The following VPS26C variants were observed in gnomAD, a reference collection of about 807,000 sequenced individuals.
VPS26C encodes the protein vacuolar protein sorting-associated protein 26C.
A neutral mutation model predicts 30.6 loss-of-function variants in VPS26C; 19 were observed. The ratio of observed to expected loss-of-function variants is 0.62; its 90% CI spans 0.43 to 0.91. The LOEUF is 0.91. Ranked by LOEUF, VPS26C falls within the 40% of genes least tolerant of loss-of-function variation. The pLI, the probability that VPS26C is intolerant of heterozygous loss-of-function variation, is 0.00. For missense variants in VPS26C, 318 were observed against 385.1 expected (o/e 0.83, Z 1.46); for synonymous variants, 132 against 151.5 (o/e 0.87, Z 0.95).
At chr21:37,235,874 TA>T (rs61193778) in intron 3 of VPS26C, among the ~76,000 whole-genome samples, 2,065 of 65,952 alleles carry the variant, frequency 0.031, 35 homozygotes, top group African/African-American at 0.072. Context: ...TATATATATA[TA>T]TATATTTTTT....
Position 37,233,747 on chromosome 21 carries a change from C to CA in VPS26C, c.352-306_352-305insT, listed in dbSNP as rs1569232988. 6.6e-6 allele frequency among the ~76,000 whole-genome samples: 1 copy of CA among 152,138 alleles called. No individual in the cohort carries two copies. The highest frequency in any genetic ancestry group is 2.4e-5 in the African/African-American group (1 of 41,426). On this transcript the variant is annotated intron_variant, in intron 3 of 7. Coordinates refer to ENST00000309117, the MANE Select transcript of VPS26C (RefSeq NM_006052.2). This position sits in a 1 kb window ranked among gnomAD's most constrained non-coding sequence, Gnocchi z 5.2. ...CCACCTGTAGCAGGGAGCAGGCTGGCGAGACAGAAAGGGCAGTGCGCTCAG... is the reference window on the plus strand; with the variant it reads ...CCACCTGTAGCAGGGAGCAGGCTGGCAGAGACAGAAAGGGCAGTGCGCTCAG...
chr21:37,231,451 A>G (rs1029020422), intron 5 of VPS26C: 1 of 152,198 alleles, frequency 6.6e-6, no homozygotes, highest in African/African-American at 2.4e-5. Flanking sequence ...CGGAGAAGGG[A>G]GACGTGCAGA....
At chr21:37,227,471 C>T in intron 7 of VPS26C, 183 bp downstream of exon 7, 1 of 658,238 alleles carries the variant, frequency 1.5e-6, no homozygotes, top group Admixed American at 2.9e-5. Flanking sequence ...CACAGCAGCT[C>T]CTTAACAAGG....
At chr21:37,267,418 C>A (rs2086380107), upstream of VPS26C, 3 of 811,634 alleles carry the variant, frequency 3.7e-6, no homozygotes, top group Non-Finnish European at 6.2e-6. Context: ...CTCACGTGAC[C>A]TCGCAGCGGC....
rs982476676 is a variant in VPS26C, at chr21:37,223,858, A to C, written c.*1686T>G. ...GCCTGTTTTGGCCAAGCCCATCCAG[A>C]ATGAAAAGTACAAAAGAAGGCTAGT... On this transcript the variant is annotated 3_prime_UTR_variant, in exon 8 of 8. Coordinates refer to ENST00000309117, the MANE Select transcript of VPS26C (RefSeq NM_006052.2). 7.4e-6 allele frequency: 1 copy of C among 134,628 alleles called. No homozygotes were observed. Among genetic ancestry groups the C allele is most frequent in the Non-Finnish European group, 1.6e-5 (1 of 61,840 alleles). 8.3% of individuals were successfully genotyped at this position (134,628 alleles called of 1,614,324 possible).
intron 1 of VPS26C, among the ~76,000 whole-genome samples, chr21:37,247,930 G>A (rs1412728232): frequency 6.6e-6 from 1 of 152,088 alleles, no homozygotes; most frequent in Non-Finnish European, 1.5e-5. Context: ...TAGCACTTTG[G>A]GAGGCCGAGG....
intron 1 of VPS26C, among the ~76,000 whole-genome samples, chr21:37,250,518 T>C (rs1024714147): frequency 6.6e-6 from 1 of 152,134 alleles, no homozygotes; most frequent in African/African-American, 2.4e-5. Context: ...AATACCACTA[T>C]ATAAATGATA....
chr21:37,260,936 T>C (rs970226093), intron 1 of VPS26C: 2 of 152,224 alleles, frequency 1.3e-5, no homozygotes, highest in Admixed American at 6.5e-5. Context: ...TACAATACCA[T>C]AGTTTCCCCT....
chr21:37,248,201 A>G (rs1203749456), intron 1 of VPS26C, among the ~76,000 whole-genome samples: 1 of 152,142 alleles, frequency 6.6e-6, no homozygotes, highest in Non-Finnish European at 1.5e-5. Flanking sequence ...TCACATATCA[A>G]CAGGGTATAA....
intron 1 of VPS26C, among the ~76,000 whole-genome samples, chr21:37,242,335 T>G (rs1569236127): frequency 6.6e-6 from 1 of 152,200 alleles, no homozygotes; most frequent in Non-Finnish European, 1.5e-5. Flanking sequence ...ACATGGCTCA[T>G]GCCTGTAATC....
At chr21:37,262,768 AT>A (rs755196084) in intron 1 of VPS26C, among the ~76,000 whole-genome samples, 2,560 of 141,268 alleles carry the variant, frequency 0.018, 25 homozygotes, top group Middle Eastern at 0.03. Context: ...TAGCACGTTA[AT>A]TTTTTTTTTT....
chr21:37,267,828 C>T (rs1169579147), upstream of VPS26C: 3 of 157,384 alleles, frequency 1.9e-5, no homozygotes, highest in East Asian at 1.9e-4. Context: ...GTCTCCTCAA[C>T]TCTAGCCCTC....
At chr21:37,238,230 G>A in intron 3 of VPS26C, 1 of 508,932 alleles carries the variant, frequency 2.0e-6, no homozygotes, top group South Asian at 2.8e-5. Context: ...GAAACAGAGG[G>A]AAAAGAAGTT....
Position 37,226,543 on chromosome 21 carries a change from G to C in VPS26C, c.812-917C>G, listed in dbSNP as rs549526024. On this transcript the variant is annotated intron_variant, in intron 7 of 7. Coordinates refer to ENST00000309117, the MANE Select transcript of VPS26C (RefSeq NM_006052.2). The surrounding 1 kb of genome is among the most constrained non-coding windows in gnomAD (Gnocchi z 4.1). ...CTTCAATGGGTTCTCCACCCCTCTT[G>C]TTGTGCCCCCCAGAAGGGTGGAGGG... 6.6e-6 allele frequency: 1 copy of C among 152,452 alleles called. No individual in the cohort carries two copies. The highest frequency in any genetic ancestry group is 2.1e-4 in the South Asian group (1 of 4,832). The allele number at this position is 152,452 out of a possible 1,614,324, so 9.4% of individuals were successfully genotyped here.
At chr21:37,230,030 C>T (rs1255000323) in intron 5 of VPS26C, among the ~76,000 whole-genome samples, 2 of 152,146 alleles carry the variant, frequency 1.3e-5, no homozygotes, top group Non-Finnish European at 2.9e-5. Flanking sequence ...CCACACCCAG[C>T]TAATTTTTAC....
In VPS26C at chr21:37,249,872, A is replaced by G. The variant is rs2086173967; in HGVS notation, c.58-9233T>C. 2.0e-5 allele frequency among the ~76,000 whole-genome samples: 3 copies of G among 152,260 alleles called. No homozygotes were observed. The South Asian group carries it at 6.2e-4, about 31-fold the overall frequency. ...CACACATGTTCAGGCTGAAAGATCA[A>G]CAGAACAAAAGTCTAGAAATAGACC... On this transcript the variant is annotated intron_variant, in intron 1 of 7. Transcript: ENST00000309117.
chr21:37,238,730 C>T (rs565441225), intron 2 of VPS26C, 121 bp from the exon 3 acceptor site: 71 of 1,163,982 alleles, frequency 6.1e-5, no homozygotes, highest in Non-Finnish European at 8.4e-5. Context: ...CTGCTGTCTT[C>T]GGCAGCTCTG....
intron 1 of VPS26C, chr21:37,261,715 T>C (rs1261310176): frequency 1.3e-5 from 2 of 151,728 alleles, no homozygotes; most frequent in Non-Finnish European, 2.9e-5. Flanking sequence ...ATACTACCAA[T>C]CAAATCTTGT....
At chr21:37,232,300 A>G in intron 5 of VPS26C, 77 bp downstream of exon 5, 1 of 1,223,010 alleles carries the variant, frequency 8.2e-7, no homozygotes, top group South Asian at 1.2e-5. Flanking sequence ...AATGAAGACC[A>G]CCCGGGCAAT....
Sources: gnomAD v4.1 joint callset for allele counts (sites outside exome capture counted in the v4.1 genomes callset) on GRCh38, gnomAD v4.1.1 for gene constraint, Gnocchi (gnomAD v3.1) non-coding constraint, MANE v1.5 for transcripts, NCBI Gene and HGNC (gene_info 2026-07-23, HGNC 2026-07-21) for gene names.